Variants in ARHGAP44 observed in about 807,000 individuals in gnomAD.
The protein encoded by ARHGAP44 is Rho GTPase activating protein 44.
A neutral mutation model predicts 106.8 loss-of-function variants in ARHGAP44; 43 were observed. That is an observed-to-expected ratio of 0.40 (90% CI 0.32 to 0.52). The LOEUF is 0.52. ARHGAP44 is among the 20% of genes least tolerant of loss of function. The pLI, the probability that ARHGAP44 is intolerant of heterozygous loss-of-function variation, is 0.48. For missense variants in ARHGAP44, 866 were observed against 1,050.5 expected (o/e 0.82, Z 2.43); for synonymous variants, 439 against 410.3 (o/e 1.07, Z -0.85).
rs143905339 is a variant in ARHGAP44, at chr17:12,828,266, G to A, written c.53+38375G>A. ...AGATTTTTCAGAACTTCTAGACTGTGTTAAGTAGCACTGATAATGAATATC... is the reference window on the plus strand; with the variant it reads ...AGATTTTTCAGAACTTCTAGACTGTATTAAGTAGCACTGATAATGAATATC... On this transcript the variant is annotated intron_variant, in intron 1 of 20. Coordinates refer to ENST00000379672, the MANE Select transcript of ARHGAP44 (RefSeq NM_014859.6). Among the ~76,000 whole-genome samples, 378 of 152,000 alleles carry A rather than the reference G, an allele frequency of 2.5e-3. 1 individual carries two copies. The highest frequency in any genetic ancestry group is 8.4e-3 in the African/African-American group (348 of 41,486).
intron 7 of ARHGAP44, among the ~76,000 whole-genome samples, chr17:12,930,721 C>T (rs143592349): frequency 6.6e-6 from 1 of 152,272 alleles, no homozygotes; most frequent in East Asian, 1.9e-4. Flanking sequence ...AGCTTATATT[C>T]GCTATTGTGC....
chr17:12,983,877 C>T (rs1046256848), intron 19 of ARHGAP44, among the ~76,000 whole-genome samples: 1 of 152,128 alleles, frequency 6.6e-6, no homozygotes, highest in Non-Finnish European at 1.5e-5. Context: ...CATGCTTAGA[C>T]CAGCGGGTAC....
At chr17:12,801,698 G>A (rs185473199) in intron 1 of ARHGAP44, among the ~76,000 whole-genome samples, 3 of 152,248 alleles carry the variant, frequency 2.0e-5, no homozygotes, top group Admixed American at 2.0e-4. Flanking sequence ...GGATATATGA[G>A]TGCATACAGG....
At chr17:12,940,510 A>C (rs532621460) in intron 7 of ARHGAP44, among the ~76,000 whole-genome samples, 1 of 152,320 alleles carries the variant, frequency 6.6e-6, no homozygotes, top group East Asian at 1.9e-4. Context: ...GCATGAGTCC[A>C]GATTTTGCCA....
chr17:12,853,859 C>T (rs2035831441), intron 1 of ARHGAP44, among the ~76,000 whole-genome samples: 1 of 152,228 alleles, frequency 6.6e-6, no homozygotes, highest in African/African-American at 2.4e-5. Flanking sequence ...CTTTTCCCTT[C>T]TTCCTAGTGG....
At position 12,789,740 on chromosome 17, in the gene ARHGAP44, G is replaced by T. The variant is rs1413244004; in HGVS notation, c.-99G>T. 1.1e-5 allele frequency: 13 copies of T among 1,169,148 alleles called. No homozygotes were observed. The highest frequency in any genetic ancestry group is 1.6e-5 in the African/African-American group (1 of 61,574). The allele number at this position is 1,169,148 out of a possible 1,614,324, so 72.4% of individuals were successfully genotyped here. On this transcript the variant is annotated 5_prime_UTR_variant, in exon 1 of 21. Transcript: ENST00000379672. Reference sequence around the variant, plus strand: ...GAGGCTCCGCAGTGCCGCCGCCGTCGCCCGGGAGGCTCCGCGCGGGAGCCA... The same window carrying T: ...GAGGCTCCGCAGTGCCGCCGCCGTCTCCCGGGAGGCTCCGCGCGGGAGCCA...
rs763642647 is a variant in ARHGAP44 at position 12,990,206 on chromosome 17, C to CATCA, written c.*36_*39dup. 4 of 1,585,400 alleles carry CATCA rather than the reference C, an allele frequency of 2.5e-6. No homozygotes were observed. In the East Asian group the frequency reaches 9.1e-5, roughly 36 times the overall value. ...GCCCATCCTGCCTCGCGTGTACATA[C>CATCA]ATCACGGGCCCTAGGAACGCCGCCA... On this transcript the variant is annotated 3_prime_UTR_variant, in exon 21 of 21. Coordinates refer to ENST00000379672, the MANE Select transcript of ARHGAP44 (RefSeq NM_014859.6).
At chr17:12,807,906 A>C (rs1206925782) in intron 1 of ARHGAP44, among the ~76,000 whole-genome samples, 1 of 152,244 alleles carries the variant, frequency 6.6e-6, no homozygotes, top group Non-Finnish European at 1.5e-5. Context: ...CTGTAAAACC[A>C]AAATCAAGTT....
intron 1 of ARHGAP44, among the ~76,000 whole-genome samples, chr17:12,829,426 C>A (rs971384075): frequency 1.3e-5 from 2 of 152,100 alleles, no homozygotes; most frequent in Non-Finnish European, 2.9e-5. Context: ...TATATATTGT[C>A]TCTTTCACTC....
chr17:12,956,443 T>G (rs1316422654), intron 14 of ARHGAP44, among the ~76,000 whole-genome samples: 1 of 152,204 alleles, frequency 6.6e-6, no homozygotes, highest in African/African-American at 2.4e-5. Context: ...GGATTGTTCA[T>G]GTGCCTCGGG....
intron 1 of ARHGAP44, among the ~76,000 whole-genome samples, chr17:12,844,866 A>G (rs1299903627): frequency 4.6e-5 from 7 of 152,074 alleles, no homozygotes; most frequent in African/African-American, 1.4e-4. Flanking sequence ...TATCTGTCGA[A>G]GATTGGTCTG....
intron 18 of ARHGAP44, among the ~76,000 whole-genome samples, 154 bp downstream of exon 18, chr17:12,974,464 C>T (rs1037286789): frequency 2.0e-5 from 3 of 152,150 alleles, no homozygotes; most frequent in Non-Finnish European, 2.9e-5. Flanking sequence ...GCGCTGGCAC[C>T]AAGTCAGTCA....
chr17:12,870,152 G>C (rs74506514), intron 1 of ARHGAP44, among the ~76,000 whole-genome samples: 1,726 of 147,300 alleles, frequency 0.012, 37 homozygotes, highest in African/African-American at 0.041. Context: ...AGGCTCCAGA[G>C]ATCCTCCCAC....
chr17:12,969,830 C>T (rs908547107), intron 16 of ARHGAP44, among the ~76,000 whole-genome samples: 2 of 152,176 alleles, frequency 1.3e-5, no homozygotes, highest in African/African-American at 4.8e-5. Flanking sequence ...AAACTATCTT[C>T]ATGGAAATGC....
At chr17:12,828,337 T>C (rs989671784) in intron 1 of ARHGAP44, among the ~76,000 whole-genome samples, 2 of 152,134 alleles carry the variant, frequency 1.3e-5, no homozygotes, top group African/African-American at 4.8e-5. Flanking sequence ...TTTGGGTTCA[T>C]GTAGAGATAC....
At position 12,980,257 on chromosome 17, in the gene ARHGAP44, T is replaced by A. The variant is rs199744384; in HGVS notation, c.1939+24T>A. The stretch of plus-strand genomic sequence containing the variant: ...AGGTATGGCCCTGCTTCCCTTCTCC[T>A]TGGTCTCAGGCCGGAGGTGGCTGTG... On this transcript the variant is annotated intron_variant, in intron 19 of 20. Transcript: ENST00000379672. 2.8e-5 allele frequency: 45 copies of A among 1,590,506 alleles called. No homozygotes were observed. In the Admixed American group the frequency reaches 7.8e-4, roughly 28 times the overall value.
intron 3 of ARHGAP44, among the ~76,000 whole-genome samples, chr17:12,901,818 T>C (rs998056350): frequency 6.6e-6 from 1 of 152,052 alleles, no homozygotes; most frequent in African/African-American, 2.4e-5. Context: ...ACGCACTTGC[T>C]CCTCTAAATC....
At chr17:12,940,195 G>A (rs1313057952) in intron 7 of ARHGAP44, among the ~76,000 whole-genome samples, 1 of 151,142 alleles carries the variant, frequency 6.6e-6, no homozygotes, top group Non-Finnish European at 1.5e-5. Context: ...CCTCAACTGA[G>A]TGCCTCTTCT....
intron 7 of ARHGAP44, among the ~76,000 whole-genome samples, chr17:12,931,788 C>T (rs560467600): frequency 2.0e-4 from 31 of 151,824 alleles, no homozygotes; most frequent in East Asian, 5.9e-4. Flanking sequence ...CATGAGCCAC[C>T]GCACCCAGCC....
Sources: gnomAD v4.1 joint callset for allele counts (sites outside exome capture counted in the v4.1 genomes callset) on GRCh38, gnomAD v4.1.1 for gene constraint, MANE v1.5 for transcripts, NCBI Gene and HGNC (gene_info 2026-07-23, HGNC 2026-07-21) for gene names.